The following SYCP1 variants were observed in gnomAD, a reference collection of about 807,000 sequenced individuals.
SYCP1 encodes cancer/testis antigen 8.
A neutral mutation model predicts 153.1 loss-of-function variants in SYCP1; 64 were observed. The ratio of observed to expected loss-of-function variants is 0.42; its 90% CI spans 0.34 to 0.51. The LOEUF (loss-of-function observed/expected upper bound fraction) is 0.51. Ranked by LOEUF, SYCP1 falls within the 20% of genes least tolerant of loss-of-function variation. The probability of loss-of-function intolerance (pLI) is 0.06; values close to 1 mark genes in which losing one functional copy is unlikely to be tolerated. For synonymous variants in SYCP1, 384 were observed against 341.8 expected, an observed-to-expected ratio of 1.12 and a Z score of -1.36; for missense variants, 997 against 1,049.0, an observed-to-expected ratio of 0.95 and a Z score of 0.68.
chr1:114,861,329 T>TA (rs1245620690), intron 8 of SYCP1, among the ~76,000 whole-genome samples: 1 of 152,160 alleles, frequency 6.6e-6, no homozygotes, highest in Non-Finnish European at 1.5e-5. Flanking sequence ...TTCATTTTTT[T>TA]AAATTATAAA....
At chr1:114,987,811 A>G (rs1032846975) in intron 30 of SYCP1, among the ~76,000 whole-genome samples, 1 of 152,006 alleles carries the variant, frequency 6.6e-6, no homozygotes, top group African/African-American at 2.4e-5. Context: ...CTAGACAAAG[A>G]CTTCAAAACA....
At chr1:114,866,229 T>C (rs1252942378) in intron 8 of SYCP1, among the ~76,000 whole-genome samples, 1 of 152,122 alleles carries the variant, frequency 6.6e-6, no homozygotes, top group Non-Finnish European at 1.5e-5. Flanking sequence ...ATGGTAAAAG[T>C]ATGTTTAGTT....
chr1:114,946,993 G>A (rs1427227363), intron 26 of SYCP1, among the ~76,000 whole-genome samples: 1 of 152,124 alleles, frequency 6.6e-6, no homozygotes, highest in East Asian at 1.9e-4. Flanking sequence ...TGATATGCCT[G>A]CCTCTGCCTC....
In SYCP1 at chr1:114,858,554, A is replaced by T; in HGVS notation, c.299A>T (p.Glu100Val). 6.4e-7 allele frequency: 1 copy of T among 1,573,776 alleles called. No individual in the cohort carries two copies. Among genetic ancestry groups the T allele is most frequent in the Non-Finnish European group, 8.6e-7 (1 of 1,163,924 alleles). ...GLKDSDLENS[E>V]GLSRVYSKLY... ...GAAAACATATTTTAATAGAATTCAG[A>T]GGGATTGAGCAGAGTGTATTCAAAA... is the stretch of plus-strand genomic sequence containing the variant. The change falls in exon 6 of 32, where the codon GAG (glutamate) becomes GTG (valine). Residue 100 changes from glutamate (E) to valine (V), a missense_variant. Coordinates refer to ENST00000369522, the MANE Select transcript of SYCP1 (RefSeq NM_003176.4).
chr1:114,916,019 G>A (rs1361369469), intron 20 of SYCP1, among the ~76,000 whole-genome samples: 3 of 152,114 alleles, frequency 2.0e-5, no homozygotes, highest in Admixed American at 6.5e-5. Flanking sequence ...CAGGAACCAT[G>A]TTCAGCCCCC....
chr1:114,897,509 T>C (rs1667150504), intron 16 of SYCP1, among the ~76,000 whole-genome samples: 1 of 152,178 alleles, frequency 6.6e-6, no homozygotes, highest in African/African-American at 2.4e-5. Flanking sequence ...TATGTCAGGC[T>C]TCTAGGTTCC....
Position 114,874,947 on chromosome 1 carries a change from T to C in SYCP1, c.657+383T>C, listed in dbSNP as rs532085289. ...TGCTTTTCTGCTGTAGTCACTCTTTTATGTTTCTCAAATTTGCCAAGCTCT... is the reference window on the plus strand; with the variant it reads ...TGCTTTTCTGCTGTAGTCACTCTTTCATGTTTCTCAAATTTGCCAAGCTCT... On this transcript the variant is annotated intron_variant, in intron 9 of 31. Coordinates refer to ENST00000369522, the MANE Select transcript of SYCP1 (RefSeq NM_003176.4). Among the ~76,000 whole-genome samples, 5 of 152,358 alleles carry C rather than the reference T, an allele frequency of 3.3e-5. No homozygotes were observed. The East Asian group carries it at 7.7e-4, about 23-fold the overall frequency.
intron 27 of SYCP1, among the ~76,000 whole-genome samples, chr1:114,952,435 A>G (rs1218454790): frequency 6.6e-6 from 1 of 152,178 alleles, no homozygotes; most frequent in African/African-American, 2.4e-5. Context: ...TCATGCTGCC[A>G]ATAAAGACAT....
At position 114,944,397 on chromosome 1, in the gene SYCP1, A is replaced by G; in HGVS notation, c.1985A>G (p.Asp662Gly). 3.1e-6 allele frequency: 5 copies of G among 1,606,476 alleles called. No individual in the cohort carries two copies. Among genetic ancestry groups the G allele is most frequent in the Non-Finnish European group, 4.2e-6 (5 of 1,176,748 alleles). Residue 662 changes from aspartate to glycine, a missense_variant, in exon 24 of 32, where the codon GAC becomes GGC. This residue lies in a region of SYCP1 where 712 missense variants were observed against 682.9 expected (regional missense o/e 1.04). Transcript: ENST00000369522. ...SAKQKFGEIT[D>G]TYQKEIEDKK... ...AAACAGAAATTTGGAGAAATCACAG[A>G]CACCTATCAGAAAGAAATTGAGGAC...
chr1:114,973,341 C>T lies in SYCP1; in HGVS notation c.2323-4216C>T, dbSNP rs1274145367. Among the ~76,000 whole-genome samples the T allele has an allele frequency of 5.3e-5, 8 of 151,946 alleles. No homozygotes were observed. In the East Asian group the frequency reaches 1.2e-3, roughly 22 times the overall value. ...TGGTTGTGGTTGTGCTTCCTTTCTC[C>T]AATCGAGAGAGACCAAAATATAAAC... On this transcript the variant is annotated intron_variant, in intron 27 of 31. Transcript: ENST00000369522.
intron 16 of SYCP1, among the ~76,000 whole-genome samples, chr1:114,896,843 A>G (rs1394597941): frequency 6.6e-6 from 1 of 152,224 alleles, no homozygotes; most frequent in Non-Finnish European, 1.5e-5. Context: ...ACCAGGAAAG[A>G]TTAGGCTCGC....
intron 30 of SYCP1, among the ~76,000 whole-genome samples, chr1:114,987,662 C>A (rs1404740405): frequency 6.6e-6 from 1 of 151,902 alleles, no homozygotes; most frequent in East Asian, 1.9e-4. Flanking sequence ...GAGACCTTGT[C>A]TCTAAAAATT....
intron 30 of SYCP1, among the ~76,000 whole-genome samples, chr1:114,987,726 GA>G (rs974004525): frequency 2.0e-5 from 3 of 151,748 alleles, no homozygotes; most frequent in Middle Eastern, 3.2e-3. Context: ...AAATAAATAG[GA>G]AAATATGATC....
intron 30 of SYCP1, among the ~76,000 whole-genome samples, chr1:114,988,853 C>A (rs192653651): frequency 1.3e-5 from 2 of 151,774 alleles, no homozygotes; most frequent in South Asian, 4.2e-4. Context: ...TGTTACTAGG[C>A]GCACAATGTA....
chr1:114,987,510 A>C (rs1253006120), intron 30 of SYCP1, among the ~76,000 whole-genome samples: 1 of 151,922 alleles, frequency 6.6e-6, no homozygotes, highest in East Asian at 1.9e-4. Flanking sequence ...ACAAAAATTT[A>C]AAAAATTAGC....
chr1:114,854,553 C>A (rs1373835734), upstream of SYCP1, among the ~76,000 whole-genome samples: 1 of 152,212 alleles, frequency 6.6e-6, no homozygotes, highest in Non-Finnish European at 1.5e-5. Flanking sequence ...ACGTCCTTAT[C>A]ATAGGAATTA....
chr1:114,889,968 T>C (rs924166263), intron 15 of SYCP1, among the ~76,000 whole-genome samples: 10 of 152,184 alleles, frequency 6.6e-5, no homozygotes, highest in Admixed American at 1.3e-4. Context: ...TAATGGATAT[T>C]TATTTGTAAT....
intron 27 of SYCP1, among the ~76,000 whole-genome samples, chr1:114,971,027 G>C (rs1166090450): frequency 6.6e-6 from 1 of 152,212 alleles, no homozygotes; most frequent in African/African-American, 2.4e-5. Flanking sequence ...GTAATGCCTT[G>C]AGTTGGTTGG....
At chr1:114,924,193 A>C (rs1330501661) in intron 21 of SYCP1, among the ~76,000 whole-genome samples, 3 of 152,140 alleles carry the variant, frequency 2.0e-5, no homozygotes, top group Non-Finnish European at 4.4e-5. Context: ...ATGGGGAGAG[A>C]TAAAAGGCAT....
Sources: gnomAD v4.1 joint callset for allele counts (sites outside exome capture counted in the v4.1 genomes callset) on GRCh38, gnomAD v4.1.1 for gene constraint, gnomAD v4.1.1 regional missense constraint, MANE v1.5 for transcripts, NCBI Gene and HGNC (gene_info 2026-07-23, HGNC 2026-07-21) for gene names.